The following CDH13 variants were observed in gnomAD, a reference collection of about 807,000 sequenced individuals.
CDH13 encodes cadherin 13.
A neutral mutation model predicts 63.8 loss-of-function variants in CDH13; 24 were observed. The ratio of observed to expected loss-of-function variants is 0.38; its 90% CI spans 0.27 to 0.53. The LOEUF (loss-of-function observed/expected upper bound fraction) is 0.53, where lower values mean the gene tolerates loss of function less well. Ranked by LOEUF, CDH13 falls within the 20% of genes least tolerant of loss-of-function variation. CDH13 has a pLI of 0.85. For missense variants in CDH13, 1,049 were observed against 903.1 expected (o/e 1.16, Z -2.07); for synonymous variants, 503 against 355.3 (o/e 1.42, Z -4.67).
rs140352121 is a variant in CDH13, at chr16:83,204,492, A to G, written c.484-12853A>G. 5.9e-5 allele frequency among the ~76,000 whole-genome samples: 9 copies of G among 152,248 alleles called. No homozygotes were observed. The East Asian group carries it at 1.2e-3, about 20-fold the overall frequency. ...ATATTTATGTACCTAAGCATTTCCT[A>G]TGTCTCAGGTCATTCACTCACCATG... On this transcript the variant is annotated intron_variant, in intron 4 of 13. Coordinates refer to ENST00000567109, the MANE Select transcript of CDH13 (RefSeq NM_001257.5).
intron 3 of CDH13, among the ~76,000 whole-genome samples, chr16:83,097,616 G>T (rs1272138513): frequency 1.3e-5 from 2 of 152,138 alleles, no homozygotes; most frequent in South Asian, 2.1e-4. Context: ...TGCCTGACTG[G>T]GATAGCCAAG....
chr16:83,063,534 G>T (rs1243404018), intron 3 of CDH13, among the ~76,000 whole-genome samples: 1 of 152,226 alleles, frequency 6.6e-6, no homozygotes, highest in Non-Finnish European at 1.5e-5. Context: ...TAGCAATAGA[G>T]ATGGACAGAG....
chr16:82,958,921 A>G (rs1331839375), intron 2 of CDH13, among the ~76,000 whole-genome samples: 1 of 152,220 alleles, frequency 6.6e-6, no homozygotes, highest in Non-Finnish European at 1.5e-5. Context: ...GAACGAATGA[A>G]ATCTACCCCC....
intron 5 of CDH13, among the ~76,000 whole-genome samples, chr16:83,311,146 C>T (rs1015289789): frequency 6.6e-6 from 1 of 152,170 alleles, no homozygotes; most frequent in Admixed American, 6.5e-5. Flanking sequence ...AATTAAATCC[C>T]TGACTGGGTC....
Position 82,778,842 on chromosome 16 carries a change from A to T in CDH13, c.46-79520A>T, listed in dbSNP as rs538905571. On this transcript the variant is annotated intron_variant, in intron 1 of 13. Transcript: ENST00000567109. ...ACCTCCTTCCTTAATTCCATGGTGGATTTAAAATGCTTAGATTAGCTGAGT... is the reference window on the plus strand; with the variant it reads ...ACCTCCTTCCTTAATTCCATGGTGGTTTTAAAATGCTTAGATTAGCTGAGT... 4.0e-4 allele frequency among the ~76,000 whole-genome samples: 61 copies of T among 152,290 alleles called. 1 individual carries two copies. The highest frequency in any genetic ancestry group is 1.4e-3 in the South Asian group (7 of 4,830).
intron 3 of CDH13, among the ~76,000 whole-genome samples, chr16:83,061,988 G>T (rs546511971): frequency 1.3e-5 from 2 of 152,200 alleles, no homozygotes; most frequent in Admixed American, 1.3e-4. Context: ...GCTGGGCAGG[G>T]TGACAATTTA....
At chr16:83,125,784 C>T (rs1400093244) in intron 4 of CDH13, among the ~76,000 whole-genome samples, 1 of 152,114 alleles carries the variant, frequency 6.6e-6, no homozygotes, top group Non-Finnish European at 1.5e-5. Context: ...AGGCTCATTG[C>T]TTTTATAGAT....
At chr16:82,714,187 G>T (rs1462555804) in intron 1 of CDH13, among the ~76,000 whole-genome samples, 4 of 152,138 alleles carry the variant, frequency 2.6e-5, no homozygotes, top group Admixed American at 2.0e-4. Context: ...CAGCTTCTCT[G>T]CTCTTTGATG....
At chr16:83,509,901 T>C (rs1415120714) in intron 7 of CDH13, among the ~76,000 whole-genome samples, 2 of 152,184 alleles carry the variant, frequency 1.3e-5, no homozygotes, top group East Asian at 1.9e-4. Context: ...GATGACTGGC[T>C]CAAGGTCACA....
Position 83,136,358 on chromosome 16 carries a change from C to T in CDH13, c.483+10857C>T, listed in dbSNP as rs568980094. ...AAAATTAGCCGGGCGTAGTGGTGTG[C>T]GCCTGTAGTCCCAGCTACTCGGGAG... On this transcript the variant is annotated intron_variant, in intron 4 of 13. Transcript: ENST00000567109. Among the ~76,000 whole-genome samples the T allele has an allele frequency of 3.3e-5, 5 of 151,502 alleles. No homozygotes were observed. The East Asian group carries it at 7.8e-4, about 24-fold the overall frequency.
In CDH13 at chr16:83,014,288, G is replaced by T. The variant is rs576585852; in HGVS notation, c.158-17722G>T. ...AAACATTGTATTATCAACCGTTAGCGTGAGGAGACAACTCTTAGAGCCCAA... is the reference window on the plus strand; with the variant it reads ...AAACATTGTATTATCAACCGTTAGCTTGAGGAGACAACTCTTAGAGCCCAA... On this transcript the variant is annotated intron_variant, in intron 2 of 13. Coordinates refer to ENST00000567109, the MANE Select transcript of CDH13 (RefSeq NM_001257.5). 6.2e-5 allele frequency among the ~76,000 whole-genome samples: 9 copies of T among 144,488 alleles called. No homozygotes were observed. In the South Asian group the frequency reaches 2.0e-3, roughly 32 times the overall value. The allele number at this position is 144,488 out of a possible 152,430, so 94.8% of individuals were successfully genotyped here.
chr16:82,832,585 T>A (rs1488828727), intron 1 of CDH13, among the ~76,000 whole-genome samples: 4 of 126,660 alleles, frequency 3.2e-5, no homozygotes, highest in African/African-American at 1.2e-4. Flanking sequence ...TTATAAATCA[T>A]GTGCAAGATT....
chr16:83,292,100 G>A (rs748386431), intron 5 of CDH13, among the ~76,000 whole-genome samples: 1 of 152,282 alleles, frequency 6.6e-6, no homozygotes, highest in Non-Finnish European at 1.5e-5. Context: ...TTTAAGAAGT[G>A]TCAGGTTGTA....
intron 5 of CDH13, among the ~76,000 whole-genome samples, chr16:83,245,459 A>G (rs558501600): frequency 5.3e-5 from 8 of 152,356 alleles, no homozygotes; most frequent in African/African-American, 1.9e-4. Context: ...CACAGAAGCT[A>G]AGGAAAGCAA....
At chr16:82,974,230 T>C (rs1447680422) in intron 2 of CDH13, among the ~76,000 whole-genome samples, 2 of 152,178 alleles carry the variant, frequency 1.3e-5, no homozygotes, top group Admixed American at 6.5e-5. Flanking sequence ...TGAGCCACCA[T>C]GCCCGGCCTA....
chr16:82,817,688 C>A (rs1407092440), intron 1 of CDH13, among the ~76,000 whole-genome samples: 16 of 151,948 alleles, frequency 1.1e-4, no homozygotes, highest in Admixed American at 9.8e-4. Context: ...ACCTGTAGTC[C>A]CAGCTACTCA....
chr16:82,897,328 A>G (rs2041304352), intron 2 of CDH13, among the ~76,000 whole-genome samples: 1 of 152,222 alleles, frequency 6.6e-6, no homozygotes, highest in Admixed American at 6.5e-5. Context: ...TGTGAGGTGC[A>G]TTTCCATGGC....
chr16:82,856,511 G>C (rs1293356665), intron 1 of CDH13, among the ~76,000 whole-genome samples: 1 of 151,406 alleles, frequency 6.6e-6, no homozygotes, highest in Non-Finnish European at 1.5e-5. Context: ...AGAGCAGCCT[G>C]TGCAACATAG....
chr16:83,275,936 T>C (rs1841094971), intron 5 of CDH13, among the ~76,000 whole-genome samples: 1 of 152,136 alleles, frequency 6.6e-6, no homozygotes, highest in East Asian at 1.9e-4. Context: ...TGTTCTATAA[T>C]AGAAAAAATC....
Sources: gnomAD v4.1 joint callset for allele counts (sites outside exome capture counted in the v4.1 genomes callset) on GRCh38, gnomAD v4.1.1 for gene constraint, MANE v1.5 for transcripts, NCBI Gene and HGNC (gene_info 2026-07-23, HGNC 2026-07-21) for gene names.